EYS: variants seen among roughly 807,000 people sequenced by gnomAD.
EYS encodes the protein protein eyes shut homolog.
EYS carries 250 observed loss-of-function variants against 282.1 expected under a neutral mutation model. The ratio of observed to expected loss-of-function variants is 0.89; its 90% CI spans 0.80 to 0.98. The LOEUF (loss-of-function observed/expected upper bound fraction) is 0.98. Ranked by LOEUF, EYS falls within the 50% of genes least tolerant of loss-of-function variation. The pLI is 0.00. For synonymous variants in EYS, 1,355 were observed against 1,282.9 expected (o/e 1.06, Z -1.20); for missense variants, 4,016 against 3,709.0 (o/e 1.08, Z -2.15).
chr6:64,689,297 A>T lies in EYS; in HGVS notation c.3444-63052T>A, dbSNP rs7744871. On this transcript the variant is annotated intron_variant, in intron 22 of 42. Coordinates refer to ENST00000503581, the MANE Select transcript of EYS (RefSeq NM_001142800.2). ...AAGGACCTCTTCAAGGAGAACTACA[A>T]ACCACTGCTCAATGAAGTAAAAGAG... 6.9e-3 allele frequency among the ~76,000 whole-genome samples: 1,057 copies of T among 152,274 alleles called. 4 individuals are homozygous for T. Among genetic ancestry groups the T allele is most frequent in the Non-Finnish European group, 9.2e-3 (629 of 68,028 alleles).
intron 31 of EYS, among the ~76,000 whole-genome samples, chr6:64,146,370 C>T (rs2150291283): frequency 6.6e-6 from 1 of 152,204 alleles, no homozygotes; most frequent in South Asian, 2.1e-4. Context: ...ACACGTTAGC[C>T]TTGAAATTTT....
At chr6:65,228,110 A>T (rs1766675980) in intron 12 of EYS, among the ~76,000 whole-genome samples, 1 of 152,152 alleles carries the variant, frequency 6.6e-6, no homozygotes, top group Non-Finnish European at 1.5e-5. Context: ...TCAAAAATAG[A>T]TGCATCCATA....
chr6:65,218,587 T>G (rs1021668897), intron 12 of EYS, among the ~76,000 whole-genome samples: 1 of 152,108 alleles, frequency 6.6e-6, no homozygotes, highest in African/African-American at 2.4e-5. Flanking sequence ...GAGAAGAGCA[T>G]ACTCTGGGTA....
chr6:63,840,223 A>ATTATTATTATTT (rs1415566621), intron 36 of EYS, among the ~76,000 whole-genome samples: 1 of 126,106 alleles, frequency 7.9e-6, no homozygotes, highest in Non-Finnish European at 1.6e-5. Flanking sequence ...TATTATTATT[A>ATTATTATTATTT]TTATTATTAT....
At chr6:63,736,509 G>A (rs992192802) in intron 41 of EYS, among the ~76,000 whole-genome samples, 3 of 152,072 alleles carry the variant, frequency 2.0e-5, no homozygotes, top group Non-Finnish European at 4.4e-5. Flanking sequence ...ATAGTTTGAA[G>A]TCAGGTAGCG....
At chr6:65,491,687 C>T (rs540839715) in intron 4 of EYS, 3 of 347,208 alleles carry the variant, frequency 8.6e-6, no homozygotes, top group Non-Finnish European at 1.7e-5. Context: ...CAGTATAATG[C>T]CAATAGGCCA....
chr6:64,289,751 A>G (rs774586695), intron 30 of EYS, among the ~76,000 whole-genome samples: 2 of 152,068 alleles, frequency 1.3e-5, no homozygotes, highest in Admixed American at 6.6e-5. Flanking sequence ...TACTGTGAAT[A>G]AATGAATGAA....
rs147701030 is a variant in EYS at position 65,565,851 on chromosome 6, G to T, written c.-332-69858C>A. The stretch of plus-strand genomic sequence containing the variant: ...TTCTCAGCAAACTAACACAGGAACA[G>T]AAAACCAAACACCACATGTTCTCAC... On this transcript the variant is annotated intron_variant, in intron 2 of 42. Transcript: ENST00000503581. Among the ~76,000 whole-genome samples the T allele has an allele frequency of 9.0e-3, 1,375 of 152,132 alleles. 10 individuals are homozygous for T. The highest frequency in any genetic ancestry group is 0.016 in the Admixed American group (239 of 15,266).
chr6:64,089,984 T>C (rs1470800747), intron 31 of EYS, among the ~76,000 whole-genome samples: 2 of 152,122 alleles, frequency 1.3e-5, no homozygotes, highest in East Asian at 1.9e-4. Flanking sequence ...GATTTCTCTG[T>C]TAACAGTTGA....
chr6:64,078,045 A>G (rs1467064757), intron 32 of EYS, among the ~76,000 whole-genome samples: 1 of 151,970 alleles, frequency 6.6e-6, no homozygotes, highest in African/African-American at 2.4e-5. Context: ...TTCAACATCA[A>G]TTAGTTGGTG....
rs147452078 is a variant in EYS at position 64,149,312 on chromosome 6, G to A, written c.6425-67310C>T. 7.4e-4 allele frequency among the ~76,000 whole-genome samples: 113 copies of A among 152,234 alleles called. No individual in the cohort carries two copies. The East Asian group carries it at 0.011, about 15-fold the overall frequency. On this transcript the variant is annotated intron_variant, in intron 31 of 42. Transcript: ENST00000503581. ...CTGCAGGCAGAAATTCTTTGTATAC[G>A]TAACGACACATCAATAGGCAGCTAC...
chr6:63,787,594 A>T (rs905200891), intron 39 of EYS, among the ~76,000 whole-genome samples: 36 of 152,204 alleles, frequency 2.4e-4, no homozygotes, highest in African/African-American at 8.7e-4. Context: ...TAAGTGCAGA[A>T]ATCTTTGATT....
rs1772370675 is a variant in EYS, at chr6:64,371,489, T to C, written c.6078+17201A>G. On this transcript the variant is annotated intron_variant, in intron 29 of 42. Transcript: ENST00000503581. ...GTGGATCAGAAGAAGGCATATTCTG[T>C]TGGTATTGGGAGGAGAGTTCTATAG... 2.0e-5 allele frequency among the ~76,000 whole-genome samples: 3 copies of C among 152,050 alleles called. No individual in the cohort carries two copies. The South Asian group carries it at 6.2e-4, about 32-fold the overall frequency.
intron 12 of EYS, among the ~76,000 whole-genome samples, chr6:65,164,276 T>C (rs552561977): frequency 6.6e-6 from 1 of 151,456 alleles, no homozygotes; most frequent in East Asian, 2.0e-4. Context: ...CATGCGTATG[T>C]TATATAAATT....
intron 41 of EYS, chr6:63,744,969 C>G: frequency 2.3e-6 from 1 of 429,460 alleles, no homozygotes; most frequent in Non-Finnish European, 4.6e-6. Flanking sequence ...TGAAAACCAC[C>G]AAAAATGTTG....
intron 35 of EYS, among the ~76,000 whole-genome samples, chr6:63,916,315 G>T (rs1764422097): frequency 6.6e-6 from 1 of 152,318 alleles, no homozygotes; most frequent in African/African-American, 2.4e-5. Flanking sequence ...TCTCTCCGAA[G>T]TGGCTGCACC....
At chr6:63,729,817 G>A (rs1473738806) in intron 41 of EYS, among the ~76,000 whole-genome samples, 1 of 152,014 alleles carries the variant, frequency 6.6e-6, no homozygotes, top group African/African-American at 2.4e-5. Context: ...GCTTTCCATA[G>A]CCCATCTCTC....
intron 23 of EYS, among the ~76,000 whole-genome samples, chr6:64,619,224 T>G (rs2149851039): frequency 6.6e-6 from 1 of 152,318 alleles, no homozygotes; most frequent in African/African-American, 2.4e-5. Context: ...TCTGATCGAA[T>G]ATTTCAAAAT....
intron 26 of EYS, among the ~76,000 whole-genome samples, chr6:64,460,570 T>C (rs1192030019): frequency 1.3e-5 from 2 of 152,206 alleles, no homozygotes; most frequent in Admixed American, 1.3e-4. Context: ...TCTTTACTCA[T>C]ATATGATGAG....
Sources: gnomAD v4.1 joint callset for allele counts (sites outside exome capture counted in the v4.1 genomes callset) on GRCh38, gnomAD v4.1.1 for gene constraint, MANE v1.5 for transcripts, NCBI Gene and HGNC (gene_info 2026-07-23, HGNC 2026-07-21) for gene names.